The following MYO5A variants were observed in gnomAD, a reference collection of about 807,000 sequenced individuals.
The protein encoded by MYO5A is myosin VA, also known as unconventional myosin-Va.
In MYO5A, 98 loss-of-function variants were observed where a neutral mutation model predicts 249.7. The observed-to-expected ratio is 0.39, with a 90% CI of 0.33 to 0.46. The LOEUF is 0.46. Among genes scored for constraint, MYO5A ranks in the 20% least tolerant of loss-of-function variants. The pLI is 0.98. For synonymous variants in MYO5A, 778 were observed against 810.6 expected, an observed-to-expected ratio of 0.96 and a Z score of 0.68; for missense variants, 1,696 against 2,308.8, an observed-to-expected ratio of 0.73 and a Z score of 5.44.
chr15:52,435,768 G>A (rs1281611488), intron 1 of MYO5A: 2 of 407,336 alleles, frequency 4.9e-6, no homozygotes, highest in Non-Finnish European at 9.7e-6. Context: ...ATTAATTATT[G>A]GCAGCACTTA....
intron 11 of MYO5A, 123 bp from the exon 12 acceptor site, chr15:52,392,193 A>G: frequency 1.1e-6 from 1 of 942,834 alleles, no homozygotes; most frequent in Non-Finnish European, 1.6e-6. Flanking sequence ...TCACGGGAGA[A>G]GCATGATTTA....
chr15:52,504,816 C>G (rs55842353), intron 1 of MYO5A, among the ~76,000 whole-genome samples: 22,750 of 151,332 alleles, frequency 0.15, 1,815 homozygotes, highest in Middle Eastern at 0.22. Context: ...TTGGACCCAG[C>G]AGGCAGAGGT....
chr15:52,413,040 G>A (rs944173919), intron 5 of MYO5A, among the ~76,000 whole-genome samples: 5 of 151,736 alleles, frequency 3.3e-5, no homozygotes, highest in East Asian at 1.9e-4. Context: ...CCAGCTACTC[G>A]GGAGGCTGAG....
At chr15:52,471,619 A>C (rs147562465) in intron 1 of MYO5A, among the ~76,000 whole-genome samples, 30 of 149,304 alleles carry the variant, frequency 2.0e-4, no homozygotes, top group African/African-American at 6.9e-4. Flanking sequence ...ACACACACAC[A>C]CCCCAAACAA....
At chr15:52,527,723 C>A (rs1224068619) in intron 1 of MYO5A, among the ~76,000 whole-genome samples, 1 of 152,198 alleles carries the variant, frequency 6.6e-6, no homozygotes, top group African/African-American at 2.4e-5. Flanking sequence ...TCTCTTGATG[C>A]CCAGTCTTCT....
rs1409016865 is a variant in MYO5A at position 52,312,982 on chromosome 15, T to G, written c.*714A>C. 1 of 152,736 alleles carries G rather than the reference T, an allele frequency of 6.5e-6. No homozygotes were observed. The highest frequency in any genetic ancestry group is 1.5e-5 in the Non-Finnish European group (1 of 68,098). 9.5% of individuals were successfully genotyped at this position (152,736 alleles called of 1,614,324 possible). The stretch of plus-strand genomic sequence containing the variant: ...AATCCAGTTAAAACTGTGATCTGAT[T>G]GAATTGTAAACAGAATTGACAAGAG... On this transcript the variant is annotated 3_prime_UTR_variant, in exon 42 of 42. Transcript: ENST00000399233.
chr15:52,399,873 C>T (rs1019571959), intron 9 of MYO5A, among the ~76,000 whole-genome samples: 2 of 152,060 alleles, frequency 1.3e-5, no homozygotes, highest in African/African-American at 4.8e-5. Flanking sequence ...GTGCACCCAA[C>T]GTTTAGCTCC....
chr15:52,344,383 C>T (rs1330186266), intron 30 of MYO5A, among the ~76,000 whole-genome samples: 1 of 152,150 alleles, frequency 6.6e-6, no homozygotes, highest in South Asian at 2.1e-4. Context: ...TGCATTTCCC[C>T]ACACTCCAGT....
In MYO5A at chr15:52,327,823, G is replaced by C. The variant is rs769507117; in HGVS notation, c.4710+29C>G. ...GATTCTGTCATCATTAACAATTCAT[G>C]ATGAGAATTTTGTTGAACAGGAACT... is the stretch of plus-strand genomic sequence containing the variant. On this transcript the variant is annotated intron_variant, in intron 36 of 41. Transcript: ENST00000399233. The C allele has an allele frequency of 8.8e-6, 14 of 1,592,876 alleles. 1 individual carries two copies. The South Asian group carries it at 1.5e-4, about 18-fold the overall frequency.
At chr15:52,423,799 T>G (rs2075337221) in intron 4 of MYO5A, among the ~76,000 whole-genome samples, 1 of 152,134 alleles carries the variant, frequency 6.6e-6, no homozygotes, top group Non-Finnish European at 1.5e-5. Context: ...CTTGAGTGAC[T>G]GAGTCACAAC....
chr15:52,390,670 C>T lies in MYO5A; in HGVS notation c.1542+1260G>A, dbSNP rs375626094. Reference sequence around the variant, plus strand: ...TGCCTCCCAGGCTCAAGTGATTATCCTGCCTCAGCCTCCCAAGTAGCTGGG... The same window carrying T: ...TGCCTCCCAGGCTCAAGTGATTATCTTGCCTCAGCCTCCCAAGTAGCTGGG... On this transcript the variant is annotated intron_variant, in intron 12 of 41. Transcript: ENST00000399233. Among the ~76,000 whole-genome samples, 3 of 151,454 alleles carry T rather than the reference C, an allele frequency of 2.0e-5. No homozygotes were observed. In the East Asian group the frequency reaches 5.8e-4, roughly 29 times the overall value.
intron 1 of MYO5A, among the ~76,000 whole-genome samples, chr15:52,434,340 G>A (rs952529738): frequency 6.6e-6 from 1 of 152,096 alleles, no homozygotes; most frequent in Non-Finnish European, 1.5e-5. Flanking sequence ...CCTGTGCTCT[G>A]CAAAGCCTTA....
At chr15:52,498,674 A>G (rs1243377464) in intron 1 of MYO5A, among the ~76,000 whole-genome samples, 2 of 152,170 alleles carry the variant, frequency 1.3e-5, no homozygotes, top group African/African-American at 2.4e-5. Flanking sequence ...TACTTTTTAT[A>G]TATTGATATT....
chr15:52,339,175 A>G (rs1435524157), intron 32 of MYO5A, among the ~76,000 whole-genome samples: 1 of 152,200 alleles, frequency 6.6e-6, no homozygotes, highest in Non-Finnish European at 1.5e-5. Context: ...TCTAATTCAT[A>G]TAAAAGATGG....
intron 34 of MYO5A, among the ~76,000 whole-genome samples, chr15:52,335,516 CAAAAAAAAAAA>C (rs397854139): frequency 1.6e-5 from 1 of 64,054 alleles, no homozygotes; most frequent in Non-Finnish European, 3.3e-5. Context: ...ACTCTGTCTC[CAAAAAAAAAAA>C]AAAAAAAAAA....
At chr15:52,418,895 T>C (rs764738895) in intron 4 of MYO5A, among the ~76,000 whole-genome samples, 2 of 152,232 alleles carry the variant, frequency 1.3e-5, no homozygotes, top group Non-Finnish European at 2.9e-5. Flanking sequence ...TATTATTTTA[T>C]AGATTTTCCT....
chr15:52,428,510 G>A lies in MYO5A; in HGVS notation c.198C>T (p.Asp66=), dbSNP rs2075446739. The change falls in exon 3 of 42, where the codon GAC becomes GAT. Residue 66 remains aspartate, a synonymous_variant. Transcript: ENST00000399233. The stretch of plus-strand genomic sequence containing the variant: ...TGAGGTCATTTTCACCAACAAGTAT[G>A]TCAGGATTTCGTAAGTGAGGCAGCT... ...TKELPHLRNP[D]ILVGENDLTA... 1 of 1,614,010 alleles carries A rather than the reference G, an allele frequency of 6.2e-7. No individual in the cohort carries two copies. The highest frequency in any genetic ancestry group is 1.3e-5 in the African/African-American group (1 of 74,942).
intron 4 of MYO5A, among the ~76,000 whole-genome samples, chr15:52,419,783 T>C (rs1208168288): frequency 6.6e-6 from 1 of 152,200 alleles, no homozygotes; most frequent in Non-Finnish European, 1.5e-5. Context: ...AGCCTATGCA[T>C]TATATAAAGA....
chr15:52,431,429 TAAAG>T (rs1429627863), intron 2 of MYO5A, among the ~76,000 whole-genome samples: 1 of 151,674 alleles, frequency 6.6e-6, no homozygotes, highest in East Asian at 1.9e-4. Context: ...AACATAGACA[TAAAG>T]TAAGTATAGA....
Sources: allele counts gnomAD v4.1 joint callset (sites outside exome capture counted in the v4.1 genomes callset), GRCh38; gene constraint gnomAD v4.1.1; transcripts MANE v1.5; gene names NCBI Gene and HGNC (gene_info 2026-07-23, HGNC 2026-07-21).